The following ZNF653 variants were observed in gnomAD, a reference collection of about 807,000 sequenced individuals.
The protein encoded by ZNF653 is 67 kDa zinc finger protein.
In ZNF653, 37 loss-of-function variants were observed where a neutral mutation model predicts 59.9. The observed-to-expected ratio is 0.62, with a 90% CI of 0.48 to 0.81. The LOEUF is 0.81. Among genes scored for constraint, ZNF653 ranks in the 40% least tolerant of loss-of-function variants. The probability of loss-of-function intolerance (pLI) is 0.00; values close to 1 mark genes in which losing one functional copy is unlikely to be tolerated. For synonymous variants in ZNF653, 435 were observed against 371.8 expected, an observed-to-expected ratio of 1.17 and a Z score of -1.96; for missense variants, 808 against 881.1, an observed-to-expected ratio of 0.92 and a Z score of 1.05.
At chr19:11,491,846 G>C (rs1248165930) in intron 3 of ZNF653, among the ~76,000 whole-genome samples, 1 of 151,980 alleles carries the variant, frequency 6.6e-6, no homozygotes, top group Admixed American at 6.6e-5. Context: ...CAAAGTGCTG[G>C]GATTACAGAC....
chr19:11,489,845 T>C (rs1971511784), intron 3 of ZNF653, among the ~76,000 whole-genome samples: 2 of 152,140 alleles, frequency 1.3e-5, no homozygotes, highest in Admixed American at 1.3e-4. Context: ...TCCTTCCAAG[T>C]TTATTTGGTT....
rs757159194 is a variant in ZNF653, at chr19:11,495,902, C to A, written c.559+48G>T. The A allele has an allele frequency of 1.3e-6, 2 of 1,566,192 alleles. No homozygotes were observed. ...ATGCTAGCCTAGGGCTCGTAAGAAG[C>A]CCCCAGAAATGGGCGGCCCCCTATG... On this transcript the variant is annotated intron_variant, in intron 3 of 8. Transcript: ENST00000293771. This position sits in a 1 kb window ranked among gnomAD's most constrained non-coding sequence, Gnocchi z 4.9.
In ZNF653 at chr19:11,495,947, T is replaced by C; in HGVS notation, c.559+3A>G. On this transcript the variant is annotated splice_donor_region_variant and intron_variant, in intron 3 of 8. Transcript: ENST00000293771. The surrounding 1 kb of genome is among the most constrained non-coding windows in gnomAD (Gnocchi z 4.9). ...CCTATGTGCCCTCGCCCTGCAGACC[T>C]ACCTTTGTCACTGTCAGGGTCTGAG... 6.2e-7 allele frequency: 1 copy of C among 1,613,764 alleles called. No homozygotes were observed. Among genetic ancestry groups the C allele is most frequent in the Non-Finnish European group, 8.5e-7 (1 of 1,179,904 alleles).
chr19:11,484,826 C>T (rs1971447930), intron 7 of ZNF653, among the ~76,000 whole-genome samples: 1 of 151,664 alleles, frequency 6.6e-6, no homozygotes, highest in African/African-American at 2.4e-5. Flanking sequence ...CCAAGGTGGG[C>T]AGATCGCCTG....
intron 2 of ZNF653, among the ~76,000 whole-genome samples, chr19:11,497,091 C>T (rs920427176): frequency 1.3e-5 from 2 of 152,214 alleles, no homozygotes; most frequent in Non-Finnish European, 2.9e-5. Context: ...CAGGTCTCCC[C>T]CAAATGCATC....
Position 11,483,461 on chromosome 19 carries a change from C to CT in ZNF653, c.*220dup. ...TCGCTCTTTAATCTCACTCTGCTCTCTTGACACAGTTCCAGCAATGCAGCC... is the reference window on the plus strand; with the variant it reads ...TCGCTCTTTAATCTCACTCTGCTCTCTTTGACACAGTTCCAGCAATGCAGCC... On this transcript the variant is annotated 3_prime_UTR_variant, in exon 9 of 9. Transcript: ENST00000293771. The CT allele has an allele frequency of 7.3e-7, 1 of 1,374,738 alleles. No individual in the cohort carries two copies. Among genetic ancestry groups the CT allele is most frequent in the Non-Finnish European group, 9.4e-7 (1 of 1,065,564 alleles). The allele number at this position is 1,374,738 out of a possible 1,614,324, so 85.2% of individuals were successfully genotyped here.
intron 3 of ZNF653, among the ~76,000 whole-genome samples, chr19:11,488,291 A>G (rs939434394): frequency 6.6e-6 from 1 of 151,970 alleles, no homozygotes; most frequent in Non-Finnish European, 1.5e-5. Context: ...CTGGGACTAC[A>G]GGCATGTGCC....
At chr19:11,483,953 A>G (rs1971436911) in intron 8 of ZNF653, 89 bp downstream of exon 8, 2 of 1,524,176 alleles carry the variant, frequency 1.3e-6, no homozygotes, top group East Asian at 4.9e-5. Flanking sequence ...CCGGGCCCAG[A>G]CACTGCGTTG....
rs749323529 is a variant in ZNF653 at position 11,498,247 on chromosome 19, C to G, written c.343+49G>C. ...TCTCTGGGCCTCCATCTCCATATTC[C>G]CACCGCTCCCAACTCTCCCCACCTC... On this transcript the variant is annotated intron_variant, in intron 2 of 8. Coordinates refer to ENST00000293771, the MANE Select transcript of ZNF653 (RefSeq NM_138783.4). The G allele has an allele frequency of 7.4e-6, 12 of 1,613,024 alleles. No homozygotes were observed. The Admixed American group carries it at 1.5e-4, about 20-fold the overall frequency.
chr19:11,493,806 C>T (rs2144942769), intron 3 of ZNF653, among the ~76,000 whole-genome samples: 1 of 151,346 alleles, frequency 6.6e-6, no homozygotes, highest in East Asian at 2.0e-4. Flanking sequence ...ATTACTAGAT[C>T]CCAGGAGTTT....
Position 11,501,730 on chromosome 19 carries a change from C to T in ZNF653, c.300-3391G>A, listed in dbSNP as rs907024962. On this transcript the variant is annotated intron_variant, in intron 1 of 8. Coordinates refer to ENST00000293771, the MANE Select transcript of ZNF653 (RefSeq NM_138783.4). Reference sequence around the variant, plus strand: ...CGGGCTGCTGCTTCTCCCTCACCTCCCTTACCAAGGAGAGCAACCGCCACA... The same window carrying T: ...CGGGCTGCTGCTTCTCCCTCACCTCTCTTACCAAGGAGAGCAACCGCCACA... 1.1e-3 allele frequency among the ~76,000 whole-genome samples: 171 copies of T among 152,284 alleles called. 1 individual carries two copies. The highest frequency in any genetic ancestry group is 4.0e-3 in the African/African-American group (165 of 41,560).
intron 1 of ZNF653, 110 bp from the exon 2 acceptor site, chr19:11,498,449 A>C: frequency 5.6e-6 from 8 of 1,438,554 alleles, no homozygotes; most frequent in Non-Finnish European, 6.8e-6. Context: ...CTGAAACTAA[A>C]TCTGAACTTT....
In ZNF653 at chr19:11,487,100, C is replaced by T. The variant is rs924683132; in HGVS notation, c.1230G>A (p.Glu410=). Residue 410 remains glutamate (E), a synonymous_variant, in exon 5 of 9, where the codon GAG becomes GAA. Transcript: ENST00000293771. The surrounding 1 kb of genome is among the most constrained non-coding windows in gnomAD (Gnocchi z 5.1). Reference sequence around the variant, plus strand: ...CGCTCTCAGGCACCGTTGTTGCCAGCTCCGGGGCTACTGGCTCCTCCTTCT... The same window carrying T: ...CGCTCTCAGGCACCGTTGTTGCCAGTTCCGGGGCTACTGGCTCCTCCTTCT... The part of the protein sequence containing the change: ...KEEKEEPVAP[E]LATTVPESAE... The T allele has an allele frequency of 6.2e-7, 1 of 1,613,828 alleles. No individual in the cohort carries two copies. Among genetic ancestry groups the T allele is most frequent in the Non-Finnish European group, 8.5e-7 (1 of 1,180,024 alleles).
intron 3 of ZNF653, among the ~76,000 whole-genome samples, chr19:11,488,614 T>G (rs1402428872): frequency 6.7e-6 from 1 of 149,110 alleles, no homozygotes; most frequent in South Asian, 2.1e-4. Context: ...CTTTTTTTTT[T>G]TGAGATGGAG....
intron 3 of ZNF653, among the ~76,000 whole-genome samples, chr19:11,493,642 C>G (rs1971552144): frequency 6.6e-6 from 1 of 152,206 alleles, no homozygotes; most frequent in African/African-American, 2.4e-5. Flanking sequence ...AGGGCCAGAG[C>G]ACGCGTCTGG....
rs930688638 is a variant in ZNF653, at chr19:11,494,516, C to A, written c.559+1434G>T. 3.3e-5 allele frequency among the ~76,000 whole-genome samples: 5 copies of A among 151,936 alleles called. No individual in the cohort carries two copies. The East Asian group carries it at 7.7e-4, about 23-fold the overall frequency. On this transcript the variant is annotated intron_variant, in intron 3 of 8. Transcript: ENST00000293771. ...GACCAGCCGGCCAACATGGTGAAACCCAGTGTCTACTAAAAATACAAAAAT... is the reference window on the plus strand; with the variant it reads ...GACCAGCCGGCCAACATGGTGAAACACAGTGTCTACTAAAAATACAAAAAT...
Position 11,487,492 on chromosome 19 carries a change from C to G in ZNF653, c.971G>C (p.Gly324Ala), listed in dbSNP as rs745905759. 1 of 1,613,676 alleles carries G rather than the reference C, an allele frequency of 6.2e-7. No individual in the cohort carries two copies. Among genetic ancestry groups the G allele is most frequent in the African/African-American group, 1.3e-5 (1 of 74,916 alleles). The change falls in exon 4 of 9, where the codon GGC (glycine) becomes GCC (alanine). Residue 324 changes from glycine to alanine, a missense_variant. Coordinates refer to ENST00000293771, the MANE Select transcript of ZNF653 (RefSeq NM_138783.4). The surrounding 1 kb of genome is among the most constrained non-coding windows in gnomAD (Gnocchi z 5.1). ...GGCCGTGAGAGCGTCGTAACCAGGG[C>G]CCGCAATGATGATCACCTGTGAGCC... ...VPGSQVIIIA[G>A]PGYDALTAEG...
chr19:11,498,271 T>A, intron 2 of ZNF653, 25 bp downstream of exon 2: 2 of 1,613,310 alleles, frequency 1.2e-6, no homozygotes, highest in Non-Finnish European at 8.5e-7. Context: ...TCTCCCCACC[T>A]CCCCCAGGCT....
intron 3 of ZNF653, among the ~76,000 whole-genome samples, chr19:11,490,138 C>T (rs1971515566): frequency 6.6e-6 from 1 of 152,170 alleles, no homozygotes. Flanking sequence ...TTCCATGACC[C>T]CATCCTCAGG....
Sources: gnomAD v4.1 joint callset for allele counts (sites outside exome capture counted in the v4.1 genomes callset) on GRCh38, gnomAD v4.1.1 for gene constraint, Gnocchi (gnomAD v3.1) non-coding constraint, MANE v1.5 for transcripts, NCBI Gene and HGNC (gene_info 2026-07-23, HGNC 2026-07-21) for gene names.